The following LRBA variants were observed in gnomAD, a reference collection of about 807,000 sequenced individuals.
LRBA encodes the protein LPS responsive beige-like anchor protein, also known as lipopolysaccharide-responsive and beige-like anchor protein.
A neutral mutation model predicts 330.0 loss-of-function variants in LRBA; 176 were observed. That is an observed-to-expected ratio of 0.53 (90% CI 0.47 to 0.60). The LOEUF (loss-of-function observed/expected upper bound fraction) is 0.60. Ranked by LOEUF, LRBA falls within the 20% of genes least tolerant of loss-of-function variation. The pLI is 0.00. For synonymous variants in LRBA, 1,230 were observed against 1,193.0 expected (o/e 1.03, Z -0.64); for missense variants, 3,259 against 3,444.8 (o/e 0.95, Z 1.35).
At chr4:150,874,644 T>C (rs1753804031) in intron 17 of LRBA, among the ~76,000 whole-genome samples, 1 of 152,182 alleles carries the variant, frequency 6.6e-6, no homozygotes, top group African/African-American at 2.4e-5. Flanking sequence ...CCTGCTACCC[T>C]GACACTGTGG....
At chr4:150,565,992 C>T (rs1467586277) in intron 40 of LRBA, among the ~76,000 whole-genome samples, 1 of 150,956 alleles carries the variant, frequency 6.6e-6, no homozygotes, top group Non-Finnish European at 1.5e-5. Flanking sequence ...TCTGGGGAAG[C>T]GAAGATAAGA....
chr4:150,845,082 A>G (rs1005702259), intron 26 of LRBA, among the ~76,000 whole-genome samples: 2 of 152,194 alleles, frequency 1.3e-5, no homozygotes, highest in Non-Finnish European at 2.9e-5. Context: ...TATTTCTTAG[A>G]TCTCAACTAA....
intron 35 of LRBA, among the ~76,000 whole-genome samples, chr4:150,747,092 T>G (rs1732846569): frequency 6.6e-6 from 1 of 152,192 alleles, no homozygotes; most frequent in East Asian, 1.9e-4. Flanking sequence ...TGTTAAACTT[T>G]TATACTCTAA....
chr4:150,620,346 C>T (rs1776175301), intron 37 of LRBA, among the ~76,000 whole-genome samples: 1 of 152,104 alleles, frequency 6.6e-6, no homozygotes, highest in South Asian at 2.1e-4. Flanking sequence ...AATGCATATA[C>T]TCTGCTGGTG....
chr4:150,766,057 A>G (rs893867251), intron 34 of LRBA, among the ~76,000 whole-genome samples: 1 of 152,072 alleles, frequency 6.6e-6, no homozygotes, highest in Non-Finnish European at 1.5e-5. Context: ...CAGAAACTCA[A>G]ATTTATTACT....
intron 44 of LRBA, among the ~76,000 whole-genome samples, chr4:150,441,406 A>G (rs1751827085): frequency 1.3e-5 from 2 of 152,268 alleles, no homozygotes; most frequent in South Asian, 4.1e-4. Context: ...TACGAAAAGC[A>G]TAAGAAATAT....
intron 22 of LRBA, among the ~76,000 whole-genome samples, chr4:150,861,469 A>G (rs1751931448): frequency 6.6e-6 from 1 of 152,222 alleles, no homozygotes; most frequent in East Asian, 1.9e-4. Flanking sequence ...GTATCTAAAC[A>G]AATATAAACA....
At chr4:150,377,421 T>A (rs1160119121) in intron 47 of LRBA, among the ~76,000 whole-genome samples, 1 of 152,216 alleles carries the variant, frequency 6.6e-6, no homozygotes, top group Non-Finnish European at 1.5e-5. Context: ...CTCATAAAAC[T>A]ATATCATTTG....
intron 56 of LRBA, among the ~76,000 whole-genome samples, chr4:150,267,738 T>A (rs1218545947): frequency 6.6e-6 from 1 of 151,756 alleles, no homozygotes; most frequent in Non-Finnish European, 1.5e-5. Flanking sequence ...TTTGAAAAAA[T>A]AACAAAATTG....
intron 47 of LRBA, among the ~76,000 whole-genome samples, chr4:150,396,688 T>A (rs921696063): frequency 2.0e-5 from 3 of 152,132 alleles, no homozygotes; most frequent in African/African-American, 7.2e-5. Context: ...ATTTACTAAT[T>A]AGAGATTGAT....
chr4:150,940,209 G>A (rs539638188), intron 2 of LRBA, among the ~76,000 whole-genome samples: 23 of 150,594 alleles, frequency 1.5e-4, no homozygotes, highest in Non-Finnish European at 2.7e-4. Context: ...TTCAAGACCA[G>A]GCTGGGCAAC....
rs768287088 is a variant in LRBA at position 150,844,106 on chromosome 4, T to A, written c.4563A>T (p.Arg1521Ser). Residue 1521 changes from arginine to serine, a missense_variant, in exon 28 of 57, where the codon AGA becomes AGT. Physicochemically the swap from Arg to Ser is moderately radical, Grantham distance 110 (BLOSUM62 -1). Coordinates refer to ENST00000651943, the MANE Select transcript of LRBA (RefSeq NM_001364905.1). ...AAGACATATTGTAACTTACTATGTC[T>A]CTGAAAACAACTGCCCTAAGCCGAT... ...DINRLRAVVF[R>S]DIEDSKQAQF... 3 of 1,597,446 alleles carry A rather than the reference T, an allele frequency of 1.9e-6. No homozygotes were observed. The highest frequency in any genetic ancestry group is 1.7e-4 in the Middle Eastern group (1 of 6,014).
chr4:150,836,761 A>AT (rs1390481515), intron 28 of LRBA, among the ~76,000 whole-genome samples: 5 of 152,090 alleles, frequency 3.3e-5, no homozygotes, highest in Admixed American at 6.5e-5. Context: ...GGATTCATTG[A>AT]TTTTTTGAAG....
chr4:150,613,354 A>G (rs536993830), intron 37 of LRBA, among the ~76,000 whole-genome samples: 3 of 152,376 alleles, frequency 2.0e-5, no homozygotes, highest in African/African-American at 7.2e-5. Flanking sequence ...AAGCCTTCTT[A>G]GAAGTGAGTA....
At chr4:150,776,190 G>A (rs887758195) in intron 34 of LRBA, among the ~76,000 whole-genome samples, 4 of 152,066 alleles carry the variant, frequency 2.6e-5, no homozygotes, top group Admixed American at 6.6e-5. Flanking sequence ...AGTGGTGCAC[G>A]CCTATAATCC....
chr4:150,822,636 CCCAG>C (rs1208332261), intron 30 of LRBA, among the ~76,000 whole-genome samples: 1 of 151,942 alleles, frequency 6.6e-6, no homozygotes, highest in Non-Finnish European at 1.5e-5. Context: ...ACATGTTGGT[CCCAG>C]CTACTCAGGG....
chr4:150,816,169 C>A (rs915833638), intron 31 of LRBA, among the ~76,000 whole-genome samples: 1 of 152,012 alleles, frequency 6.6e-6, no homozygotes, highest in East Asian at 1.9e-4. Context: ...AGAAGGCAAA[C>A]CCTGGCCTGA....
intron 47 of LRBA, among the ~76,000 whole-genome samples, chr4:150,354,270 C>G (rs1206742517): frequency 6.6e-6 from 1 of 151,852 alleles, no homozygotes; most frequent in Non-Finnish European, 1.5e-5. Flanking sequence ...AGAAAATTCT[C>G]ATTTAGATCT....
intron 42 of LRBA, among the ~76,000 whole-genome samples, chr4:150,482,766 C>A (rs1008583336): frequency 2.0e-5 from 3 of 152,018 alleles, no homozygotes; most frequent in African/African-American, 7.2e-5. Context: ...ATCAGCATTT[C>A]TCAGATGACT....
Sources: allele counts gnomAD v4.1 joint callset (sites outside exome capture counted in the v4.1 genomes callset), GRCh38; gene constraint gnomAD v4.1.1; transcripts MANE v1.5; gene names NCBI Gene and HGNC (gene_info 2026-07-23, HGNC 2026-07-21).